The following NALCN variants were observed in gnomAD, a reference collection of about 807,000 sequenced individuals.
NALCN encodes sodium leak channel NALCN.
NALCN carries 111 observed loss-of-function variants against 225.3 expected under a neutral mutation model. The ratio of observed to expected loss-of-function variants is 0.49; its 90% confidence interval spans 0.42 to 0.58. The LOEUF is 0.58. Among genes scored for constraint, NALCN ranks in the 20% least tolerant of loss-of-function variants. NALCN has a pLI of 0.00. For missense variants in NALCN, 1,378 were observed against 2,202.4 expected, an observed-to-expected ratio of 0.63 and a Z score of 7.49; for synonymous variants, 764 against 769.0, an observed-to-expected ratio of 0.99 and a Z score of 0.11.
At chr13:101,171,356 T>C (rs892475456) in intron 15 of NALCN, among the ~76,000 whole-genome samples, 21 of 149,310 alleles carry the variant, frequency 1.4e-4, no homozygotes, top group African/African-American at 5.1e-4. Flanking sequence ...AAAATTATAA[T>C]ATATTTTTGT....
Position 101,073,569 on chromosome 13 carries a change from A to T in NALCN, c.4197+15T>A. 1 of 1,599,626 alleles carries T rather than the reference A, an allele frequency of 6.3e-7. No homozygotes were observed. Among genetic ancestry groups the T allele is most frequent in the Non-Finnish European group, 8.6e-7 (1 of 1,169,204 alleles). ...ATTCTAAGTCTAAGCCTTGTTCATG[A>T]TGAGAGATATTTACCATACAGTCAT... On this transcript the variant is annotated intron_variant, in intron 37 of 43. Transcript: ENST00000251127.
At position 101,195,832 on chromosome 13, in the gene NALCN, C is replaced by T. The variant is rs149256029; in HGVS notation, c.1627-3778G>A. On this transcript the variant is annotated intron_variant, in intron 13 of 43. Coordinates refer to ENST00000251127, the MANE Select transcript of NALCN (RefSeq NM_052867.4). ...GTGTGAGATGAAGGTATTACCATTG[C>T]CACTTGTCAGGTCACCTCTTCTCTC... Among the ~76,000 whole-genome samples, 707 of 152,290 alleles carry T rather than the reference C, an allele frequency of 4.6e-3. 6 individuals are homozygous for T. Among genetic ancestry groups the T allele is most frequent in the African/African-American group, 0.017 (688 of 41,566 alleles).
chr13:101,071,348 T>A (rs1028562957), intron 37 of NALCN, among the ~76,000 whole-genome samples: 1 of 152,252 alleles, frequency 6.6e-6, no homozygotes, highest in African/African-American at 2.4e-5. Context: ...CTTCTTCCAA[T>A]AGAAGGCTGT....
chr13:101,288,306 G>A (rs2043416732), intron 9 of NALCN, among the ~76,000 whole-genome samples: 1 of 152,188 alleles, frequency 6.6e-6, no homozygotes, highest in Admixed American at 6.5e-5. Context: ...GTATATTCAT[G>A]AGGAAATAAA....
At chr13:101,288,812 CA>C (rs2043437503) in intron 9 of NALCN, among the ~76,000 whole-genome samples, 1 of 152,184 alleles carries the variant, frequency 6.6e-6, no homozygotes, top group African/African-American at 2.4e-5. Flanking sequence ...ACCATTTTAA[CA>C]GAAAAGTAGC....
chr13:101,068,616 G>T (rs1048513857), intron 38 of NALCN, 79 bp downstream of exon 38: 3 of 1,347,794 alleles, frequency 2.2e-6, no homozygotes, highest in Non-Finnish European at 2.9e-6. Flanking sequence ...GAAATCCAGG[G>T]TAATTGCTTG....
rs574257533 is a variant in NALCN at position 101,091,226 on chromosome 13, C to A, written c.3270-1260G>T. On this transcript the variant is annotated intron_variant, in intron 28 of 43. Transcript: ENST00000251127. ...ATTTAATGAAGAACTGAGCTCCGGA[C>A]CACTGACTAGAGTAGGCCCCTTGGA... 3.3e-5 allele frequency among the ~76,000 whole-genome samples: 5 copies of A among 152,212 alleles called. No individual in the cohort carries two copies. In the South Asian group the frequency reaches 1.0e-3, roughly 32 times the overall value.
intron 6 of NALCN, among the ~76,000 whole-genome samples, chr13:101,371,132 C>T (rs1214622779): frequency 3.9e-5 from 6 of 151,990 alleles, no homozygotes; most frequent in Non-Finnish European, 7.4e-5. Flanking sequence ...ATGGATATAC[C>T]ATCATTAGTT....
At chr13:101,144,943 T>TTACACAAA in intron 15 of NALCN, 47 bp from the exon 16 acceptor site, 1 of 1,545,752 alleles carries the variant, frequency 6.5e-7, no homozygotes, top group South Asian at 1.2e-5. Flanking sequence ...CCTATAATAC[T>TTACACAAA]ATTATATACG....
At position 101,259,329 on chromosome 13, in the gene NALCN, T is replaced by TTTA. The variant is rs138538711; in HGVS notation, c.1135-758_1135-756dup. ...AAACATTAAAAAATAATGAGTATTA[T>TTTA]TTATTATTATTATTATTATTTTGAG... On this transcript the variant is annotated intron_variant, in intron 10 of 43. Transcript: ENST00000251127. Among the ~76,000 whole-genome samples, 20 of 151,422 alleles carry TTTA rather than the reference T, an allele frequency of 1.3e-4. 1 individual carries two copies. Among genetic ancestry groups the TTTA allele is most frequent in the South Asian group, 4.2e-4 (2 of 4,792 alleles).
intron 11 of NALCN, among the ~76,000 whole-genome samples, chr13:101,251,612 T>A (rs2042065549): frequency 2.0e-5 from 3 of 152,094 alleles, no homozygotes; most frequent in African/African-American, 7.2e-5. Flanking sequence ...AAGTCACAGA[T>A]TTTCAAAGGA....
At chr13:101,299,394 A>G (rs2043869507) in intron 7 of NALCN, among the ~76,000 whole-genome samples, 1 of 152,188 alleles carries the variant, frequency 6.6e-6, no homozygotes, top group Admixed American at 6.5e-5. Context: ...TGCCTTCTGA[A>G]CTGTCCCAAG....
chr13:101,237,441 C>T (rs568196165), intron 12 of NALCN, among the ~76,000 whole-genome samples: 34 of 151,944 alleles, frequency 2.2e-4, no homozygotes, highest in Non-Finnish European at 3.8e-4. Flanking sequence ...AAATTTGATA[C>T]GCATGTATGG....
intron 7 of NALCN, among the ~76,000 whole-genome samples, chr13:101,312,584 G>C (rs1180839754): frequency 2.6e-5 from 4 of 152,028 alleles, no homozygotes; most frequent in Non-Finnish European, 5.9e-5. Flanking sequence ...TGGTTTCAAA[G>C]AACATCTTTA....
At chr13:101,171,446 T>C (rs1253373992) in intron 15 of NALCN, among the ~76,000 whole-genome samples, 1 of 151,714 alleles carries the variant, frequency 6.6e-6, no homozygotes, top group Non-Finnish European at 1.5e-5. Flanking sequence ...CACATATATA[T>C]TTTTTTCCGA....
At chr13:101,338,019 A>T (rs1278548917) in intron 7 of NALCN, among the ~76,000 whole-genome samples, 1 of 152,238 alleles carries the variant, frequency 6.6e-6, no homozygotes, top group Non-Finnish European at 1.5e-5. Context: ...CACTGGTGCC[A>T]GGCACATAAT....
chr13:101,380,896 C>CACCAA (rs1566634530), intron 3 of NALCN, among the ~76,000 whole-genome samples: 1 of 139,486 alleles, frequency 7.2e-6, no homozygotes, highest in African/African-American at 3.0e-5. Flanking sequence ...ACACACACCA[C>CACCAA]CATCACCACC....
chr13:101,062,174 C>CTT, intron 40 of NALCN, 56 bp from the exon 41 acceptor site: 1 of 1,582,906 alleles, frequency 6.3e-7, no homozygotes, highest in Non-Finnish European at 8.6e-7. Context: ...GATTTACACC[C>CTT]TTAGATACGT....
At chr13:101,142,996 C>T in intron 17 of NALCN, 84 bp downstream of exon 17, 1 of 1,510,814 alleles carries the variant, frequency 6.6e-7, no homozygotes. Flanking sequence ...AAATTGGATT[C>T]CAGGACCCTA....
Sources: gnomAD v4.1 joint callset for allele counts (sites outside exome capture counted in the v4.1 genomes callset) on GRCh38, gnomAD v4.1.1 for gene constraint, MANE v1.5 for transcripts, NCBI Gene and HGNC (gene_info 2026-07-23, HGNC 2026-07-21) for gene names.